The following PWP1 variants were observed in gnomAD, a reference collection of about 807,000 sequenced individuals.
PWP1 encodes the protein periodic tryptophan protein 1 homolog.
Under a neutral mutation model 69.9 loss-of-function variants are expected in PWP1, and 47 were observed. The observed-to-expected ratio is 0.67, with a 90% CI of 0.53 to 0.86. PWP1 has a LOEUF of 0.86. PWP1 is among the 40% of genes least tolerant of loss of function. The pLI, the probability that PWP1 is intolerant of heterozygous loss-of-function variation, is 0.00. For missense variants in PWP1, 551 were observed against 608.8 expected (o/e 0.91, Z 1.00); for synonymous variants, 222 against 208.2 (o/e 1.07, Z -0.57).
At position 107,688,745 on chromosome 12, in the gene PWP1, G is replaced by A. The variant is rs1889424918; in HGVS notation, c.262G>A (p.Asp88Asn). The change falls in exon 3 of 15, where the codon GAT becomes AAT. Residue 88 changes from aspartate to asparagine, a missense_variant. Transcript: ENST00000412830. ...DGDPEDDRTL[D>N]DDELAEYDLD... ...TGACCCAGAGGATGACAGGACGCTT[G>A]ATGATGATGAGCTGGCTGAGTACGA... The A allele has an allele frequency of 6.2e-7, 1 of 1,614,166 alleles. No individual in the cohort carries two copies. The highest frequency in any genetic ancestry group is 8.5e-7 in the Non-Finnish European group (1 of 1,180,024).
At chr12:107,707,167 G>A (rs1015327132) in intron 11 of PWP1, among the ~76,000 whole-genome samples, 1 of 152,102 alleles carries the variant, frequency 6.6e-6, no homozygotes, top group African/African-American at 2.4e-5. Flanking sequence ...AAGCAATTGT[G>A]AATGGGAGTT....
Position 107,703,037 on chromosome 12 carries a change from G to C in PWP1, c.903+6G>C, listed in dbSNP as rs1423342098. 2.5e-6 allele frequency: 4 copies of C among 1,575,634 alleles called. No homozygotes were observed. Among genetic ancestry groups the C allele is most frequent in the South Asian group, 1.1e-5 (1 of 90,136 alleles). ...TCGCTGTACACACAGACAAGGTATG[G>C]TGATTTAGTTGATCACAGCGGTTCT... On this transcript the variant is annotated splice_donor_region_variant and intron_variant, in intron 9 of 14. Coordinates refer to ENST00000412830, the MANE Select transcript of PWP1 (RefSeq NM_007062.3).
At chr12:107,702,824 T>C (rs1889739545) in intron 8 of PWP1, 111 bp from the exon 9 acceptor site, 1 of 696,008 alleles carries the variant, frequency 1.4e-6, no homozygotes, top group Non-Finnish European at 2.5e-6. Flanking sequence ...TTGTTAAATT[T>C]ATTCCTAAGT....
At chr12:107,706,467 T>C (rs750477747) in intron 11 of PWP1, among the ~76,000 whole-genome samples, 45 of 152,268 alleles carry the variant, frequency 3.0e-4, no homozygotes, top group Non-Finnish European at 5.6e-4. Flanking sequence ...GAAGTCCTTG[T>C]CCATGCCTAT....
At chr12:107,707,235 C>T (rs1889841724) in intron 11 of PWP1, among the ~76,000 whole-genome samples, 1 of 152,088 alleles carries the variant, frequency 6.6e-6, no homozygotes, top group Non-Finnish European at 1.5e-5. Context: ...GTGATTTTTG[C>T]ACATTGATTT....
chr12:107,710,289 A>C, intron 13 of PWP1, 116 bp from the exon 14 acceptor site: 3 of 1,459,794 alleles, frequency 2.1e-6, no homozygotes, highest in Non-Finnish European at 2.7e-6. Context: ...AGTGAGAATC[A>C]TAAGTTGGTT....
chr12:107,692,644 G>A, intron 3 of PWP1, 170 bp from the exon 4 acceptor site: 1 of 588,426 alleles, frequency 1.7e-6, no homozygotes, highest in East Asian at 2.9e-5. Context: ...TACAAAAATG[G>A]CTTTTAAATT....
In PWP1 at chr12:107,702,853, C is replaced by G; in HGVS notation, c.807-82C>G. On this transcript the variant is annotated intron_variant, in intron 8 of 14. Transcript: ENST00000412830. The stretch of plus-strand genomic sequence containing the variant: ...CCTAAGTATTTTATTCTTTCTGATG[C>G]TATTGTAAATGCAATCCTTTTCTCA... 3.6e-6 allele frequency: 3 copies of G among 828,138 alleles called. No homozygotes were observed. The South Asian group carries it at 4.2e-5, about 12-fold the overall frequency. 51.3% of individuals were successfully genotyped at this position (828,138 alleles called of 1,614,324 possible). A position where few individuals can be genotyped will look rare whatever the true frequency, so the allele number is the denominator to read the frequency against.
chr12:107,694,025 T>C (rs1252140081), intron 5 of PWP1, among the ~76,000 whole-genome samples: 6 of 152,242 alleles, frequency 3.9e-5, no homozygotes, highest in Non-Finnish European at 7.3e-5. Flanking sequence ...AGCGGATGCT[T>C]TGCAGTAATC....
intron 3 of PWP1, among the ~76,000 whole-genome samples, chr12:107,691,288 A>G (rs960278614): frequency 6.6e-6 from 1 of 152,238 alleles, no homozygotes; most frequent in Admixed American, 6.5e-5. Flanking sequence ...TGAAGCACAG[A>G]GAAGGTGGAT....
At chr12:107,693,238 C>A in intron 5 of PWP1, 142 bp downstream of exon 5, 1 of 1,250,990 alleles carries the variant, frequency 8.0e-7, no homozygotes, top group Non-Finnish European at 1.1e-6. Flanking sequence ...CACAGGTGGC[C>A]AATTTCTTGG....
Position 107,688,747 on chromosome 12 carries a change from T to A in PWP1, c.264T>A (p.Asp88Glu), listed in dbSNP as rs1889425053. 2 of 1,614,162 alleles carry A rather than the reference T, an allele frequency of 1.2e-6. No homozygotes were observed. The highest frequency in any genetic ancestry group is 2.7e-5 in the African/African-American group (2 of 75,038). The change falls in exon 3 of 15, where the codon GAT becomes GAA. Residue 88 changes from aspartate (D) to glutamate (E), a missense_variant. Transcript: ENST00000412830. The stretch of plus-strand genomic sequence containing the variant: ...ACCCAGAGGATGACAGGACGCTTGA[T>A]GATGATGAGCTGGCTGAGTACGACT... Reference protein sequence around the residue: ...DGDPEDDRTLDDDELAEYDLD... With the variant: ...DGDPEDDRTLEDDELAEYDLD...
chr12:107,691,347 A>G (rs1889476404), intron 3 of PWP1, among the ~76,000 whole-genome samples: 1 of 152,198 alleles, frequency 6.6e-6, no homozygotes, highest in Non-Finnish European at 1.5e-5. Flanking sequence ...GGTCCCAGTA[A>G]ACTTAGAATA....
chr12:107,686,017 C>T (rs1316691127), intron 1 of PWP1, 46 bp downstream of exon 1: 55 of 1,594,668 alleles, frequency 3.4e-5, no homozygotes, highest in Non-Finnish European at 4.6e-5. Flanking sequence ...GTCTTTACGG[C>T]ACTGGGGGTC....
Position 107,712,442 on chromosome 12 carries a change from G to GTAA in PWP1, c.*226_*228dup, listed in dbSNP as rs1889975400. On this transcript the variant is annotated 3_prime_UTR_variant, in exon 15 of 15. Coordinates refer to ENST00000412830, the MANE Select transcript of PWP1 (RefSeq NM_007062.3). ...CTCTTGTTGCATTTCTTAAAAAAGA[G>GTAA]TAATAAAAAGGATTTTTAAAAAGTA... 7.7e-6 allele frequency: 3 copies of GTAA among 388,602 alleles called. No individual in the cohort carries two copies. The South Asian group carries it at 1.8e-4, about 24-fold the overall frequency. The allele number at this position is 388,602 out of a possible 1,614,324, so 24.1% of individuals were successfully genotyped here.
In PWP1 at chr12:107,712,302, C is replaced by A. The variant is rs1192300981; in HGVS notation, c.*82C>A. On this transcript the variant is annotated 3_prime_UTR_variant, in exon 15 of 15. Transcript: ENST00000412830. ...AAAATGTTCCATGCGTGGCAGCAACCATGCAGAGTGACTGAAACACAATTC... is the reference window on the plus strand; with the variant it reads ...AAAATGTTCCATGCGTGGCAGCAACAATGCAGAGTGACTGAAACACAATTC... 3 of 989,360 alleles carry A rather than the reference C, an allele frequency of 3.0e-6. No individual in the cohort carries two copies. Among genetic ancestry groups the A allele is most frequent in the African/African-American group, 3.2e-5 (2 of 62,086 alleles). 61.3% of individuals were successfully genotyped at this position (989,360 alleles called of 1,614,324 possible). A position where few individuals can be genotyped will look rare whatever the true frequency, so the allele number is the denominator to read the frequency against.
At chr12:107,692,067 C>G (rs1889491038) in intron 3 of PWP1, among the ~76,000 whole-genome samples, 1 of 152,164 alleles carries the variant, frequency 6.6e-6, no homozygotes, top group Non-Finnish European at 1.5e-5. Context: ...CATAGAAATA[C>G]AGAGAAACAA....
In PWP1 at chr12:107,712,340, C is replaced by A; in HGVS notation, c.*120C>A. On this transcript the variant is annotated 3_prime_UTR_variant, in exon 15 of 15. Coordinates refer to ENST00000412830, the MANE Select transcript of PWP1 (RefSeq NM_007062.3). ...TGAAACACAATTCATTTCTGACTGA[C>A]ATTCCTTTCTGCAACTGCGGTGGCA... The A allele has an allele frequency of 1.4e-6, 1 of 701,770 alleles. No homozygotes were observed. Among genetic ancestry groups the A allele is most frequent in the Non-Finnish European group, 2.4e-6 (1 of 414,750 alleles). 43.5% of individuals were successfully genotyped at this position (701,770 alleles called of 1,614,324 possible).
intron 14 of PWP1, among the ~76,000 whole-genome samples, chr12:107,711,566 C>T (rs61938566): frequency 0.057 from 8,668 of 152,188 alleles, 637 homozygotes; most frequent in East Asian, 0.32. Flanking sequence ...TCCAACTTTC[C>T]GGAAGGGGCC....
Sources: allele counts gnomAD v4.1 joint callset (sites outside exome capture counted in the v4.1 genomes callset), GRCh38; gene constraint gnomAD v4.1.1; transcripts MANE v1.5; gene names NCBI Gene and HGNC (gene_info 2026-07-23, HGNC 2026-07-21).